Variants in PDE11A observed in about 807,000 individuals in gnomAD.
The protein encoded by PDE11A is dual 3',5'-cyclic-AMP and -GMP phosphodiesterase 11A.
Under a neutral mutation model 100.5 loss-of-function variants are expected in PDE11A, and 100 were observed. The observed-to-expected ratio is 1.00, with a 90% confidence interval of 0.85 to 1.18. The LOEUF is 1.18. PDE11A is among the 50% of genes most tolerant of loss of function. The probability of loss-of-function intolerance (pLI) is 0.00; values close to 1 mark genes in which losing one functional copy is unlikely to be tolerated. For synonymous variants in PDE11A, 381 were observed against 420.8 expected, an observed-to-expected ratio of 0.91 and a Z score of 1.16; for missense variants, 1,141 against 1,152.6, an observed-to-expected ratio of 0.99 and a Z score of 0.15.
chr2:177,746,209 GT>G (rs2081945574), intron 10 of PDE11A, among the ~76,000 whole-genome samples: 1 of 152,170 alleles, frequency 6.6e-6, no homozygotes, highest in Admixed American at 6.5e-5. Context: ...AAAAAAATTC[GT>G]AGGTAAATTG....
chr2:177,629,083 C>T lies in PDE11A; in HGVS notation c.*324G>A, dbSNP rs754770928. The T allele has an allele frequency of 1.3e-5, 5 of 399,666 alleles. No homozygotes were observed. The highest frequency in any genetic ancestry group is 2.4e-5 in the Non-Finnish European group (5 of 212,112). 24.8% of individuals were successfully genotyped at this position (399,666 alleles called of 1,614,324 possible). A position where few individuals can be genotyped will look rare whatever the true frequency, so the allele number is the denominator to read the frequency against. ...ACGCTTTTACTGTTCAGTGTTCCCT[C>T]AGCTCAGAGTAAGTAGGCCGACTGT... On this transcript the variant is annotated 3_prime_UTR_variant, in exon 20 of 20. Transcript: ENST00000286063.
intron 2 of PDE11A, among the ~76,000 whole-genome samples, chr2:177,990,176 A>G (rs2085985583): frequency 1.3e-5 from 2 of 152,188 alleles, no homozygotes; most frequent in African/African-American, 2.4e-5. Context: ...AACCTAGTAC[A>G]AGCTACATGA....
chr2:177,902,823 T>C (rs2084718453), intron 3 of PDE11A, among the ~76,000 whole-genome samples: 1 of 152,204 alleles, frequency 6.6e-6, no homozygotes, highest in Non-Finnish European at 1.5e-5. Context: ...TCACCACTGA[T>C]TTTGGAGGAA....
chr2:177,628,111 T>C lies in PDE11A; in HGVS notation c.*1296A>G, dbSNP rs1045253774. On this transcript the variant is annotated 3_prime_UTR_variant, in exon 20 of 20. Transcript: ENST00000286063. ...GTTGGGGATTCATTGAAAGATTTAT[T>C]TGAACAAAGAGTTGTAAGGTTAAAA... 6.6e-6 allele frequency: 1 copy of C among 152,522 alleles called. No individual in the cohort carries two copies. The highest frequency in any genetic ancestry group is 1.5e-5 in the Non-Finnish European group (1 of 68,044). 9.4% of individuals were successfully genotyped at this position (152,522 alleles called of 1,614,324 possible).
At chr2:177,867,144 T>A (rs1253015864) in intron 5 of PDE11A, among the ~76,000 whole-genome samples, 2 of 152,220 alleles carry the variant, frequency 1.3e-5, no homozygotes, top group East Asian at 3.8e-4. Flanking sequence ...TTGTCACGGA[T>A]TGCATTAGAA....
intron 2 of PDE11A, among the ~76,000 whole-genome samples, chr2:177,938,595 C>A (rs1208097829): frequency 1.3e-5 from 2 of 152,194 alleles, no homozygotes; most frequent in Non-Finnish European, 1.5e-5. Flanking sequence ...AATAAGACCA[C>A]CAGATAGCCT....
chr2:177,676,646 C>T (rs911848225), intron 16 of PDE11A, among the ~76,000 whole-genome samples: 1 of 152,208 alleles, frequency 6.6e-6, no homozygotes, highest in Non-Finnish European at 1.5e-5. Flanking sequence ...ACTCGAGCAG[C>T]ATTGATGAAA....
intron 9 of PDE11A, among the ~76,000 whole-genome samples, chr2:177,808,802 G>C (rs1316438833): frequency 2.0e-5 from 3 of 152,150 alleles, no homozygotes; most frequent in Non-Finnish European, 4.4e-5. Context: ...ATTAAATTGA[G>C]TGAGTTTTCC....
rs190546564 is a variant in PDE11A, at chr2:177,959,927, A to G, written c.1071+54375T>C. Reference sequence around the variant, plus strand: ...TATGATTAGAATAAATAATTATACTATCCTTTTAATAAAGTAACAATAAAA... The same window carrying G: ...TATGATTAGAATAAATAATTATACTGTCCTTTTAATAAAGTAACAATAAAA... On this transcript the variant is annotated intron_variant, in intron 2 of 19. Transcript: ENST00000286063. 5.1e-3 allele frequency among the ~76,000 whole-genome samples: 779 copies of G among 152,334 alleles called. 3 individuals are homozygous for G. Among genetic ancestry groups the G allele is most frequent in the Non-Finnish European group, 7.9e-3 (536 of 68,024 alleles).
At chr2:177,897,383 C>A (rs1235556465) in intron 4 of PDE11A, among the ~76,000 whole-genome samples, 2 of 152,174 alleles carry the variant, frequency 1.3e-5, no homozygotes, top group Non-Finnish European at 2.9e-5. Flanking sequence ...AGGCTCTGAA[C>A]GAGATGTTTC....
At chr2:178,040,560 A>G (rs2086671105) in intron 1 of PDE11A, among the ~76,000 whole-genome samples, 1 of 152,218 alleles carries the variant, frequency 6.6e-6, no homozygotes, top group South Asian at 2.1e-4. Context: ...TTGAATGCGC[A>G]GAGTTCTTAG....
intron 2 of PDE11A, among the ~76,000 whole-genome samples, chr2:177,916,726 T>G (rs12992086): frequency 6.5e-5 from 9 of 138,810 alleles, no homozygotes; most frequent in Non-Finnish European, 1.3e-4. Context: ...AACTTGAAGG[T>G]TCTTTTTATT....
chr2:178,016,900 T>C (rs996106990), intron 1 of PDE11A, among the ~76,000 whole-genome samples: 3 of 151,974 alleles, frequency 2.0e-5, no homozygotes, highest in Non-Finnish European at 4.4e-5. Flanking sequence ...CTAGAAAGAG[T>C]TATATTTAAT....
chr2:177,842,547 T>A (rs1298104879), intron 5 of PDE11A, among the ~76,000 whole-genome samples: 5 of 152,148 alleles, frequency 3.3e-5, no homozygotes, highest in African/African-American at 1.2e-4. Context: ...TGGAGAACTG[T>A]TTAAGAATAT....
intron 1 of PDE11A, among the ~76,000 whole-genome samples, chr2:178,052,240 G>A (rs551564262): frequency 6.6e-6 from 1 of 152,288 alleles, no homozygotes; most frequent in Admixed American, 6.5e-5. Context: ...CATGGAAACT[G>A]AACAACCTGC....
intron 15 of PDE11A, among the ~76,000 whole-genome samples, chr2:177,694,245 A>G (rs890895075): frequency 6.6e-6 from 1 of 152,230 alleles, no homozygotes; most frequent in African/African-American, 2.4e-5. Context: ...ACAGAGCTTG[A>G]TAAATGGACT....
chr2:177,635,823 C>G (rs1475220719), intron 19 of PDE11A, among the ~76,000 whole-genome samples: 1 of 151,640 alleles, frequency 6.6e-6, no homozygotes, highest in East Asian at 1.9e-4. Context: ...CTTAATATAT[C>G]TTGGGAAAAA....
chr2:177,780,564 G>A (rs911291857), intron 9 of PDE11A, among the ~76,000 whole-genome samples: 2 of 152,176 alleles, frequency 1.3e-5, no homozygotes, highest in Non-Finnish European at 2.9e-5. Context: ...TCTTCCAGTA[G>A]AAAGCTGTTT....
chr2:177,964,628 G>A (rs1024826903), intron 2 of PDE11A, among the ~76,000 whole-genome samples: 1 of 152,154 alleles, frequency 6.6e-6, no homozygotes, highest in African/African-American at 2.4e-5. Flanking sequence ...TTAAAAGTGG[G>A]AACATGTGGT....
Sources: allele counts gnomAD v4.1 joint callset (sites outside exome capture counted in the v4.1 genomes callset), GRCh38; gene constraint gnomAD v4.1.1; transcripts MANE v1.5; gene names NCBI Gene and HGNC (gene_info 2026-07-23, HGNC 2026-07-21).